GALNTL5: variants seen among roughly 807,000 people sequenced by gnomAD.
GALNTL5 encodes inactive polypeptide N-acetylgalactosaminyltransferase-like protein 5.
GALNTL5 carries 44 observed loss-of-function variants against 51.0 expected under a neutral mutation model. The ratio of observed to expected loss-of-function variants is 0.86; its 90% confidence interval spans 0.68 to 1.11. The LOEUF (loss-of-function observed/expected upper bound fraction) is 1.11. Among genes scored for constraint, GALNTL5 ranks in the 50% least tolerant of loss-of-function variants. The probability of loss-of-function intolerance (pLI) is 0.00; values close to 1 mark genes in which losing one functional copy is unlikely to be tolerated. For synonymous variants in GALNTL5, 192 were observed against 182.8 expected (o/e 1.05, Z -0.41); for missense variants, 528 against 531.8 (o/e 0.99, Z 0.07).
intron 4 of GALNTL5, among the ~76,000 whole-genome samples, chr7:151,984,473 G>T (rs541149567): frequency 2.6e-5 from 4 of 152,174 alleles, no homozygotes; most frequent in Non-Finnish European, 4.4e-5. Flanking sequence ...CATCCCATGA[G>T]GTTCACCCTG....
chr7:151,997,656 G>A (rs1398601849), intron 5 of GALNTL5, among the ~76,000 whole-genome samples: 1 of 151,938 alleles, frequency 6.6e-6, no homozygotes, highest in Non-Finnish European at 1.5e-5. Flanking sequence ...TGCATTTATG[G>A]TCTTTCTGGG....
At chr7:151,997,717 T>C (rs1292377298) in intron 5 of GALNTL5, among the ~76,000 whole-genome samples, 4 of 152,174 alleles carry the variant, frequency 2.6e-5, no homozygotes, top group Non-Finnish European at 4.4e-5. Context: ...ATATTAAGGG[T>C]ACAAGTGTAC....
At chr7:151,996,787 G>A (rs903789871) in intron 5 of GALNTL5, among the ~76,000 whole-genome samples, 3 of 124,564 alleles carry the variant, frequency 2.4e-5, no homozygotes, top group East Asian at 3.1e-4. Flanking sequence ...ATAACATAAC[G>A]TGTAGGTAAA....
At chr7:151,988,832 C>G (rs1289837421) in intron 5 of GALNTL5, among the ~76,000 whole-genome samples, 3 of 151,650 alleles carry the variant, frequency 2.0e-5, no homozygotes, top group African/African-American at 7.3e-5. Flanking sequence ...TCTCAAGTAG[C>G]TGGGATTACA....
Position 152,018,034 on chromosome 7 carries a change from C to T in GALNTL5, c.1177-1612C>T, listed in dbSNP as rs145736996. On this transcript the variant is annotated intron_variant, in intron 8 of 8. Transcript: ENST00000392800. ...TCATTTTTTATATTTTTAACAGAGACGGGGTTTCACCATATTGGCCAGGCT... is the reference window on the plus strand; with the variant it reads ...TCATTTTTTATATTTTTAACAGAGATGGGGTTTCACCATATTGGCCAGGCT... 3.2e-3 allele frequency among the ~76,000 whole-genome samples: 491 copies of T among 152,136 alleles called. 1 individual carries two copies. Among genetic ancestry groups the T allele is most frequent in the African/African-American group, 0.011 (452 of 41,522 alleles).
chr7:152,004,084 T>C (rs2081613591), intron 6 of GALNTL5, among the ~76,000 whole-genome samples: 1 of 152,020 alleles, frequency 6.6e-6, no homozygotes, highest in Non-Finnish European at 1.5e-5. Flanking sequence ...CACGGAGATA[T>C]ATATAGTGTG....
intron 3 of GALNTL5, among the ~76,000 whole-genome samples, chr7:151,972,506 CA>C (rs890632928): frequency 4.1e-4 from 62 of 151,904 alleles, no homozygotes; most frequent in Non-Finnish European, 6.6e-4. Context: ...TTTCAGAGAC[CA>C]TGGCAACTCC....
At chr7:151,990,560 G>C (rs908905992) in intron 5 of GALNTL5, among the ~76,000 whole-genome samples, 3 of 30,786 alleles carry the variant, frequency 9.7e-5, no homozygotes, top group Non-Finnish European at 1.8e-4. Context: ...CAGCCTGGGC[G>C]ACAGAGCGAG....
intron 1 of GALNTL5, among the ~76,000 whole-genome samples, chr7:151,964,621 C>A (rs2081034168): frequency 6.6e-6 from 1 of 152,178 alleles, no homozygotes; most frequent in Admixed American, 6.5e-5. Flanking sequence ...GTCCATTAAA[C>A]CCCTTTTCCT....
intron 7 of GALNTL5, among the ~76,000 whole-genome samples, chr7:152,013,851 T>C (rs992777056): frequency 1.3e-5 from 2 of 152,252 alleles, no homozygotes; most frequent in African/African-American, 4.8e-5. Flanking sequence ...TTGTGTTTTC[T>C]TCTGTGTGCT....
At chr7:151,966,738 T>C (rs969515153) in intron 1 of GALNTL5, among the ~76,000 whole-genome samples, 4 of 152,236 alleles carry the variant, frequency 2.6e-5, no homozygotes, top group Non-Finnish European at 5.9e-5. Flanking sequence ...TGACTAGATA[T>C]TGCCAAAACG....
At chr7:151,994,098 C>T (rs777800683) in intron 5 of GALNTL5, among the ~76,000 whole-genome samples, 1 of 152,184 alleles carries the variant, frequency 6.6e-6, no homozygotes, top group East Asian at 1.9e-4. Flanking sequence ...GCACCTACTT[C>T]TCCTGGCCCT....
At chr7:152,010,237 C>G (rs1227115876) in intron 7 of GALNTL5, among the ~76,000 whole-genome samples, 1 of 151,946 alleles carries the variant, frequency 6.6e-6, no homozygotes, top group Non-Finnish European at 1.5e-5. Context: ...CTCAGCCTCC[C>G]GAGTAGTTGG....
intron 3 of GALNTL5, among the ~76,000 whole-genome samples, chr7:151,981,574 CTT>C (rs1488364774): frequency 0.061 from 877 of 14,426 alleles, 9 homozygotes; most frequent in Non-Finnish European, 0.097. Flanking sequence ...TCCTTCCTTC[CTT>C]CCTTCCTTCC....
At chr7:151,966,467 C>T (rs569741061) in intron 1 of GALNTL5, among the ~76,000 whole-genome samples, 10 of 152,184 alleles carry the variant, frequency 6.6e-5, no homozygotes, top group African/African-American at 2.4e-4. Context: ...CAGGATTTCA[C>T]CATATTGGCC....
At chr7:151,986,851 G>A (rs1397968735) in intron 4 of GALNTL5, among the ~76,000 whole-genome samples, 6 of 151,304 alleles carry the variant, frequency 4.0e-5, no homozygotes, top group African/African-American at 7.3e-5. Context: ...CCTCAGCCCC[G>A]AGTACCTGGG....
At chr7:151,973,659 G>A (rs2081174556) in intron 3 of GALNTL5, among the ~76,000 whole-genome samples, 1 of 152,212 alleles carries the variant, frequency 6.6e-6, no homozygotes, top group South Asian at 2.1e-4. Context: ...AGGAGGAAGG[G>A]ACTTGTCTCA....
chr7:152,019,340 A>G (rs1367856053), intron 8 of GALNTL5, among the ~76,000 whole-genome samples: 1 of 152,186 alleles, frequency 6.6e-6, no homozygotes, highest in Non-Finnish European at 1.5e-5. Context: ...GGTATTGTTG[A>G]AAAAACAGGA....
chr7:151,958,527 G>C (rs2080953329), intron 1 of GALNTL5, among the ~76,000 whole-genome samples: 1 of 152,198 alleles, frequency 6.6e-6, no homozygotes, highest in Non-Finnish European at 1.5e-5. Flanking sequence ...GTTGGGGAGG[G>C]GGGTGTGTTA....
Sources: allele counts gnomAD v4.1 joint callset (sites outside exome capture counted in the v4.1 genomes callset), GRCh38; gene constraint gnomAD v4.1.1; transcripts MANE v1.5; gene names NCBI Gene and HGNC (gene_info 2026-07-23, HGNC 2026-07-21).